Variants in PRR16 observed in about 807,000 individuals in gnomAD.
PRR16 encodes protein Largen.
Under a neutral mutation model 18.2 loss-of-function variants are expected in PRR16, and 6 were observed. The ratio of observed to expected loss-of-function variants is 0.33; its 90% CI spans 0.18 to 0.65. The LOEUF is 0.65. Ranked by LOEUF, PRR16 falls within the 30% of genes least tolerant of loss-of-function variation. The pLI, the probability that PRR16 is intolerant of heterozygous loss-of-function variation, is 0.74. For synonymous variants in PRR16, 151 were observed against 147.8 expected (o/e 1.02, Z -0.16); for missense variants, 412 against 376.6 (o/e 1.09, Z -0.78).
chr5:120,599,641 G>A (rs569462667), intron 1 of PRR16, among the ~76,000 whole-genome samples: 1 of 151,900 alleles, frequency 6.6e-6, no homozygotes, highest in Non-Finnish European at 1.5e-5. Flanking sequence ...GCCTAGATTA[G>A]CATTCAATTT....
At chr5:120,691,258 G>A (rs777807486), downstream of PRR16, among the ~76,000 whole-genome samples, 1 of 152,042 alleles carries the variant, frequency 6.6e-6, no homozygotes, top group Admixed American at 6.6e-5. Context: ...CCCGAACTTC[G>A]TAAATCTTTC....
rs534363913 is a variant in PRR16, at chr5:120,485,324, A to G, written c.159+20679A>G. 8.3e-4 allele frequency among the ~76,000 whole-genome samples: 127 copies of G among 152,342 alleles called. 1 individual carries two copies. The highest frequency in any genetic ancestry group is 2.8e-3 in the African/African-American group (115 of 41,588). On this transcript the variant is annotated intron_variant, in intron 1 of 1. Transcript: ENST00000407149. ...TTTGCATGATTCCAGAAAAATTATTAGGATAAATATTGATCATCCTGTTTC... is the reference window on the plus strand; with the variant it reads ...TTTGCATGATTCCAGAAAAATTATTGGGATAAATATTGATCATCCTGTTTC...
chr5:120,745,237 T>C, the PRR16 span, among the ~76,000 whole-genome samples: 22 of 152,226 alleles, frequency 1.4e-4, no homozygotes, highest in Non-Finnish European at 2.4e-4. Context: ...TTCTTCTCTA[T>C]ATTTGTTTGA....
chr5:120,694,682 CAAA>C, the PRR16 span, among the ~76,000 whole-genome samples: 7 of 116,138 alleles, frequency 6.0e-5, no homozygotes, highest in Non-Finnish European at 3.6e-5. Context: ...GACTCCGTCT[CAAA>C]AAAAAAAAAA....
intron 1 of PRR16, among the ~76,000 whole-genome samples, chr5:120,565,812 A>C (rs1300959006): frequency 6.6e-6 from 1 of 152,200 alleles, no homozygotes; most frequent in Non-Finnish European, 1.5e-5. Context: ...TATTGTTTTG[A>C]GTATTGGACT....
intron 1 of PRR16, among the ~76,000 whole-genome samples, chr5:120,680,550 T>G (rs917042423): frequency 1.3e-5 from 2 of 152,150 alleles, no homozygotes; most frequent in African/African-American, 4.8e-5. Flanking sequence ...GGACTTTCCC[T>G]GGCGTTCGAG....
chr5:120,536,696 C>T (rs376259884), intron 1 of PRR16, among the ~76,000 whole-genome samples: 4 of 152,194 alleles, frequency 2.6e-5, no homozygotes, highest in East Asian at 1.9e-4. Context: ...AGTCAGAATA[C>T]TAGGATGACC....
the PRR16 span, among the ~76,000 whole-genome samples, chr5:120,708,808 T>C: frequency 6.6e-6 from 1 of 152,056 alleles, no homozygotes; most frequent in African/African-American, 2.4e-5. Context: ...CTGAGCATTA[T>C]CAAACGCATT....
At chr5:120,764,203 C>T in the PRR16 span, among the ~76,000 whole-genome samples, 21,717 of 151,940 alleles carry the variant, frequency 0.14, 2,269 homozygotes, top group African/African-American at 0.29. Flanking sequence ...GTGTATCATA[C>T]ATGGCCTTTA....
chr5:120,757,796 A>C, the PRR16 span, among the ~76,000 whole-genome samples: 2 of 151,236 alleles, frequency 1.3e-5, no homozygotes, highest in Non-Finnish European at 3.0e-5. Context: ...TTATTTTGAG[A>C]AATTGTAGTG....
chr5:120,511,066 GA>G (rs1225829417), intron 1 of PRR16, among the ~76,000 whole-genome samples: 1 of 152,170 alleles, frequency 6.6e-6, no homozygotes, highest in Non-Finnish European at 1.5e-5. Flanking sequence ...CAAGCGCCCA[GA>G]AACTAATGAA....
chr5:120,533,282 G>T (rs1185736464), intron 1 of PRR16, among the ~76,000 whole-genome samples: 1 of 152,138 alleles, frequency 6.6e-6, no homozygotes, highest in African/African-American at 2.4e-5. Flanking sequence ...TCTATTATGT[G>T]CTAGGCATTG....
chr5:120,740,115 G>A, the PRR16 span, among the ~76,000 whole-genome samples: 3 of 152,214 alleles, frequency 2.0e-5, no homozygotes, highest in Admixed American at 2.0e-4. Flanking sequence ...TAAAATAATG[G>A]CAATGCCATT....
At chr5:120,674,335 T>C (rs1756722580) in intron 1 of PRR16, among the ~76,000 whole-genome samples, 1 of 152,222 alleles carries the variant, frequency 6.6e-6, no homozygotes, top group Non-Finnish European at 1.5e-5. Context: ...ATTCCATTTT[T>C]ATTGTGCCAG....
At chr5:120,486,089 G>T (rs1015482918) in intron 1 of PRR16, among the ~76,000 whole-genome samples, 7 of 152,194 alleles carry the variant, frequency 4.6e-5, no homozygotes, top group African/African-American at 1.4e-4. Context: ...TTGCTATTGT[G>T]AATAATGCCA....
intron 1 of PRR16, among the ~76,000 whole-genome samples, chr5:120,494,209 C>T (rs945134875): frequency 2.0e-5 from 3 of 152,130 alleles, no homozygotes; most frequent in Non-Finnish European, 2.9e-5. Flanking sequence ...ATCGTCACTA[C>T]TTTTTTCTAG....
intron 1 of PRR16, among the ~76,000 whole-genome samples, chr5:120,555,124 C>A (rs1752368157): frequency 6.6e-6 from 1 of 151,844 alleles, no homozygotes; most frequent in African/African-American, 2.4e-5. Flanking sequence ...TATTAATTTA[C>A]TGAGCAAATT....
At chr5:120,722,523 T>C in the PRR16 span, among the ~76,000 whole-genome samples, 1 of 152,042 alleles carries the variant, frequency 6.6e-6, no homozygotes, top group Non-Finnish European at 1.5e-5. Context: ...CTTTCAGTGA[T>C]TTACAATATC....
intron 1 of PRR16, among the ~76,000 whole-genome samples, chr5:120,508,247 T>C (rs1297873162): frequency 6.6e-6 from 1 of 152,134 alleles, no homozygotes; most frequent in Non-Finnish European, 1.5e-5. Flanking sequence ...GAAAACTATA[T>C]GCTGAGATGA....
Sources: gnomAD v4.1 joint callset for allele counts (sites outside exome capture counted in the v4.1 genomes callset) on GRCh38, gnomAD v4.1.1 for gene constraint, MANE v1.5 for transcripts, NCBI Gene and HGNC (gene_info 2026-07-23, HGNC 2026-07-21) for gene names.